Variants in DMD observed in about 807,000 individuals in gnomAD.
DMD encodes mutant dystrophin.
DMD carries 63 observed loss-of-function variants against 330.1 expected under a neutral mutation model. The ratio of observed to expected loss-of-function variants is 0.19; its 90% CI spans 0.16 to 0.24. DMD has a LOEUF of 0.24. Among genes scored for constraint, DMD ranks in the 10% least tolerant of loss-of-function variants. The pLI, the probability that DMD is intolerant of heterozygous loss-of-function variation, is 1.00. For missense variants in DMD, 3,344 were observed against 2,684.1 expected (o/e 1.25, Z -5.43); for synonymous variants, 1,223 against 959.8 (o/e 1.27, Z -5.07).
intron 44 of DMD, among the ~76,000 whole-genome samples, chrX:32,184,843 T>C (rs2096940044): frequency 9.6e-6 from 1 of 104,454 alleles, no homozygotes; most frequent in African/African-American, 3.4e-5. Flanking sequence ...TTTTTTTTTT[T>C]TTTTTTTTTT....
At chrX:31,932,936 T>C (rs1295936462) in intron 45 of DMD, among the ~76,000 whole-genome samples, 1 of 111,687 alleles carries the variant, frequency 9.0e-6, no homozygotes, top group Non-Finnish European at 1.9e-5. Flanking sequence ...TATTTAGCAG[T>C]ATCCCTGGCC....
At chrX:32,453,805 A>AT (rs778900394) in intron 26 of DMD, among the ~76,000 whole-genome samples, 1 of 110,598 alleles carries the variant, frequency 9.0e-6, no homozygotes, top group Non-Finnish European at 1.9e-5. Flanking sequence ...CTCCACATTG[A>AT]TTTTTCCTTG....
intron 2 of DMD, among the ~76,000 whole-genome samples, chrX:32,966,211 C>T (rs1455531944): frequency 8.9e-6 from 1 of 111,972 alleles, no homozygotes; most frequent in African/African-American, 3.2e-5. Flanking sequence ...TAACTTAAAA[C>T]TCTCCATAAT....
At chrX:33,057,044 A>G (rs1054590794) in intron 1 of DMD, among the ~76,000 whole-genome samples, 1 of 111,769 alleles carries the variant, frequency 8.9e-6, no homozygotes, top group African/African-American at 3.3e-5. Flanking sequence ...GTAAGTACAT[A>G]TTGATCAAAT....
At chrX:32,837,780 T>C (rs950178004) in intron 4 of DMD, among the ~76,000 whole-genome samples, 2 of 112,094 alleles carry the variant, frequency 1.8e-5, no homozygotes, top group Non-Finnish European at 3.8e-5. Context: ...AAAGACACCA[T>C]GTGGATCTAC....
chrX:32,813,809 C>T (rs2077537219), intron 6 of DMD, among the ~76,000 whole-genome samples: 1 of 111,358 alleles, frequency 9.0e-6, no homozygotes, highest in African/African-American at 3.3e-5. Flanking sequence ...CCTTTCTAAA[C>T]TTGGTAAAAA....
At chrX:32,513,455 AG>A (rs1569565067) in intron 18 of DMD, among the ~76,000 whole-genome samples, 2 of 112,210 alleles carry the variant, frequency 1.8e-5, no homozygotes, top group East Asian at 5.6e-4. Context: ...AGCTTTAATC[AG>A]GGTTTTGGTG....
rs1329044137 is a variant in DMD at position 32,364,556 on chromosome X, A to G, written c.5154+26T>C. On this transcript the variant is annotated intron_variant, in intron 36 of 78. Transcript: ENST00000357033. The stretch of plus-strand genomic sequence containing the variant: ...GAAGTAACTGGTGTACAATTTGGAC[A>G]TTACTTTTCATATTTTATTTGCTAC... 3 of 1,207,516 alleles carry G rather than the reference A, an allele frequency of 2.5e-6. No homozygotes were observed. In the South Asian group the frequency reaches 5.3e-5, roughly 21 times the overall value.
At chrX:32,239,161 G>C (rs764346952) in intron 43 of DMD, among the ~76,000 whole-genome samples, 5 of 111,188 alleles carry the variant, frequency 4.5e-5, no homozygotes, top group Non-Finnish European at 7.5e-5. Context: ...AACGAAAAAG[G>C]TCTCCGTACA....
At position 32,363,695 on chromosome X, in the gene DMD, C is replaced by T. The variant is rs1029910424; in HGVS notation, c.5155-737G>A. Among the ~76,000 whole-genome samples the T allele has an allele frequency of 2.7e-5, 3 of 111,520 alleles. No individual in the cohort carries two copies. The East Asian group carries it at 8.4e-4, about 31-fold the overall frequency. On this transcript the variant is annotated intron_variant, in intron 36 of 78. Transcript: ENST00000357033. ...TGGCATAAATGTGTTTTGGGGATAG[C>T]CTGGAATGAATTTATAGTTTTTCAT... is the stretch of plus-strand genomic sequence containing the variant.
At chrX:33,332,837 C>T (rs1011576360) in intron 1 of DMD, among the ~76,000 whole-genome samples, 6 of 111,114 alleles carry the variant, frequency 5.4e-5, no homozygotes, top group African/African-American at 1.6e-4. Flanking sequence ...CATCCTCTTA[C>T]GAAATACCCA....
At chrX:32,362,414 T>C (rs976594419) in intron 37 of DMD, among the ~76,000 whole-genome samples, 16 of 112,035 alleles carry the variant, frequency 1.4e-4, no homozygotes, top group African/African-American at 5.2e-4. Context: ...GTGCTTTATG[T>C]TGATGGATGA....
intron 36 of DMD, 40 bp from the exon 37 acceptor site, chrX:32,362,998 A>G (rs374990828): frequency 8.7e-7 from 1 of 1,152,561 alleles, no homozygotes; most frequent in Non-Finnish European, 1.2e-6. Context: ...GAAGTTAGTA[A>G]TTAATGAAGG....
chrX:31,987,794 C>T (rs1209848543), intron 44 of DMD, among the ~76,000 whole-genome samples: 1 of 111,725 alleles, frequency 9.0e-6, no homozygotes, highest in African/African-American at 3.3e-5. Context: ...TCCTCGAAAA[C>T]TTAAAAATAG....
intron 55 of DMD, among the ~76,000 whole-genome samples, chrX:31,564,185 A>G (rs2075348272): frequency 9.0e-6 from 1 of 111,597 alleles, no homozygotes; most frequent in African/African-American, 3.3e-5. Flanking sequence ...TTGATCTCAG[A>G]CTTCTATCCT....
At chrX:31,434,561 C>A (rs59597512) in intron 60 of DMD, among the ~76,000 whole-genome samples, 15,817 of 109,820 alleles carry the variant, frequency 0.14, 1,049 homozygotes, top group East Asian at 0.32. Flanking sequence ...TAAAAAATTA[C>A]TGTCTGTCAT....
intron 50 of DMD, among the ~76,000 whole-genome samples, chrX:31,810,737 A>G (rs1409954420): frequency 8.9e-6 from 1 of 112,327 alleles, no homozygotes; most frequent in Non-Finnish European, 1.9e-5. Flanking sequence ...ATTCAATTTT[A>G]AAACTATTCA....
chrX:32,857,007 G>A (rs1319735476), intron 2 of DMD, among the ~76,000 whole-genome samples: 5 of 109,321 alleles, frequency 4.6e-5, no homozygotes, highest in African/African-American at 1.0e-4. Context: ...CCCGGGAGGC[G>A]GAGCTTGCAA....
intron 17 of DMD, among the ~76,000 whole-genome samples, chrX:32,534,944 CT>C (rs2047817503): frequency 9.0e-6 from 1 of 110,872 alleles, no homozygotes; most frequent in Admixed American, 9.6e-5. Context: ...CCAGGGAAGA[CT>C]TTACTAAGAA....
Sources: allele counts gnomAD v4.1 joint callset (sites outside exome capture counted in the v4.1 genomes callset), GRCh38; gene constraint gnomAD v4.1.1; transcripts MANE v1.5; gene names NCBI Gene and HGNC (gene_info 2026-07-23, HGNC 2026-07-21).